The following P3H2 variants were observed in gnomAD, a reference collection of about 807,000 sequenced individuals.
P3H2 encodes prolyl 3-hydroxylase 2.
A neutral mutation model predicts 87.0 loss-of-function variants in P3H2; 80 were observed. The observed-to-expected ratio is 0.92, with a 90% confidence interval of 0.77 to 1.11. P3H2 has a LOEUF of 1.11. P3H2 is among the 50% of genes least tolerant of loss of function. P3H2 has a pLI of 0.00. For missense variants in P3H2, 1,001 were observed against 923.9 expected (o/e 1.08, Z -1.08); for synonymous variants, 367 against 359.3 (o/e 1.02, Z -0.24).
intron 1 of P3H2, among the ~76,000 whole-genome samples, chr3:189,996,168 T>C (rs539341083): frequency 4.6e-5 from 7 of 152,140 alleles, no homozygotes; most frequent in African/African-American, 1.2e-4. Context: ...CCCATGTTTA[T>C]TGTAGCACTA....
At chr3:189,964,877 C>A (rs1179798010) in intron 13 of P3H2, among the ~76,000 whole-genome samples, 1 of 152,196 alleles carries the variant, frequency 6.6e-6, no homozygotes, top group African/African-American at 2.4e-5. Flanking sequence ...GCTGGGCTCA[C>A]TGAGCCAGGG....
intron 1 of P3H2, among the ~76,000 whole-genome samples, chr3:190,018,797 G>A (rs181766725): frequency 2.5e-4 from 38 of 152,332 alleles, no homozygotes; most frequent in African/African-American, 8.9e-4. Flanking sequence ...GGAATGAACT[G>A]TAAGTGCTTG....
At chr3:190,063,498 A>C (rs956980960) in intron 1 of P3H2, among the ~76,000 whole-genome samples, 1 of 152,180 alleles carries the variant, frequency 6.6e-6, no homozygotes, top group Non-Finnish European at 1.5e-5. Context: ...ATTTTTAAAA[A>C]TCATACCTGC....
chr3:190,038,640 G>A (rs1725501411), intron 1 of P3H2, among the ~76,000 whole-genome samples: 1 of 152,092 alleles, frequency 6.6e-6, no homozygotes. Flanking sequence ...AAGAAAGTTG[G>A]TCCCCTAGGA....
At position 190,022,818 on chromosome 3, in the gene P3H2, A is replaced by AT. The variant is rs1186166641; in HGVS notation, c.481-27377_481-27376insA. On this transcript the variant is annotated intron_variant, in intron 1 of 14. Coordinates refer to ENST00000319332, the MANE Select transcript of P3H2 (RefSeq NM_018192.4). ...TTAAGTAAGTCCAATACAGGGCAAA[A>AT]AATATATATATATATTTCTTTTTTT... 5.3e-4 allele frequency among the ~76,000 whole-genome samples: 81 copies of AT among 152,072 alleles called. No homozygotes were observed. The South Asian group carries it at 0.012, about 23-fold the overall frequency.
intron 1 of P3H2, among the ~76,000 whole-genome samples, chr3:190,119,737 A>AAG (rs1175788495): frequency 6.6e-6 from 1 of 152,126 alleles, no homozygotes; most frequent in Non-Finnish European, 1.5e-5. Flanking sequence ...TGAAGGGGAG[A>AAG]AGAGAGAGAA....
intron 13 of P3H2, among the ~76,000 whole-genome samples, chr3:189,965,700 C>T (rs1478768096): frequency 6.6e-6 from 1 of 152,032 alleles, no homozygotes; most frequent in East Asian, 1.9e-4. Context: ...GAAAAGACTT[C>T]TGAGGCCGGG....
upstream of P3H2, chr3:190,120,949 C>T (rs1036491887): frequency 8.1e-6 from 5 of 619,002 alleles, no homozygotes; most frequent in Middle Eastern, 4.6e-4. Context: ...AGCTCACACG[C>T]TCCTCCTGCT....
intron 1 of P3H2, among the ~76,000 whole-genome samples, chr3:190,034,113 T>C (rs538463673): frequency 6.6e-6 from 1 of 152,244 alleles, no homozygotes; most frequent in African/African-American, 2.4e-5. Context: ...TGTGGCAAGA[T>C]AAGACTCAAC....
intron 9 of P3H2, 103 bp downstream of exon 9, chr3:189,974,455 T>C: frequency 6.8e-7 from 1 of 1,463,728 alleles, no homozygotes. Context: ...GAAAGCAATA[T>C]TTCAGGGCTT....
At chr3:190,066,172 CACACACATATAT>C (rs1296792468) in intron 1 of P3H2, among the ~76,000 whole-genome samples, 3 of 136,552 alleles carry the variant, frequency 2.2e-5, no homozygotes, top group Non-Finnish European at 4.8e-5. Context: ...CACACACACA[CACACACATATAT>C]ACACACATAT....
At chr3:189,995,545 T>A (rs1577261661) in intron 1 of P3H2, 103 bp from the exon 2 acceptor site, 1 of 1,131,834 alleles carries the variant, frequency 8.8e-7, no homozygotes, top group Non-Finnish European at 1.2e-6. Context: ...AGAATGAAAC[T>A]AGGAGCCTTG....
chr3:190,007,610 C>A (rs1250368442), intron 1 of P3H2, among the ~76,000 whole-genome samples: 4 of 151,622 alleles, frequency 2.6e-5, no homozygotes. Context: ...AAGGAGCAAT[C>A]TATTATTATA....
chr3:190,061,463 A>G (rs1726329382), intron 1 of P3H2, among the ~76,000 whole-genome samples: 1 of 152,078 alleles, frequency 6.6e-6, no homozygotes, highest in Non-Finnish European at 1.5e-5. Flanking sequence ...CCAGAATTAC[A>G]AAGACTGGCA....
chr3:190,120,131 C>G, intron 1 of P3H2, 121 bp downstream of exon 1: 1 of 1,135,360 alleles, frequency 8.8e-7, no homozygotes, highest in South Asian at 1.4e-5. Flanking sequence ...CAAACTGAGA[C>G]ACATATTTAA....
chr3:189,974,143 A>G (rs1432401855), intron 9 of P3H2, 139 bp from the exon 10 acceptor site: 2 of 715,638 alleles, frequency 2.8e-6, no homozygotes, highest in Non-Finnish European at 5.0e-6. Flanking sequence ...ATGCTGGTAT[A>G]ACTATTCTTT....
intron 1 of P3H2, among the ~76,000 whole-genome samples, chr3:190,064,744 T>C (rs988548094): frequency 2.6e-5 from 4 of 152,154 alleles, no homozygotes; most frequent in African/African-American, 9.6e-5. Flanking sequence ...ATTTGAGTCA[T>C]ACCGTATAGT....
At chr3:190,105,056 C>T (rs980516573) in intron 1 of P3H2, among the ~76,000 whole-genome samples, 1 of 152,164 alleles carries the variant, frequency 6.6e-6, no homozygotes, top group Non-Finnish European at 1.5e-5. Context: ...TCTGTGAGTA[C>T]AAGAGAAATT....
intron 1 of P3H2, among the ~76,000 whole-genome samples, chr3:190,072,328 A>G (rs1726730020): frequency 6.6e-6 from 1 of 152,168 alleles, no homozygotes; most frequent in Non-Finnish European, 1.5e-5. Flanking sequence ...TGCCCGGTCA[A>G]GATGAAGTTT....
Sources: allele counts gnomAD v4.1 joint callset (sites outside exome capture counted in the v4.1 genomes callset), GRCh38; gene constraint gnomAD v4.1.1; transcripts MANE v1.5; gene names NCBI Gene and HGNC (gene_info 2026-07-23, HGNC 2026-07-21).